The following FNDC1 variants were observed in gnomAD, a reference collection of about 807,000 sequenced individuals.
FNDC1 encodes fibronectin type III domain-containing protein 1.
In FNDC1, 96 loss-of-function variants were observed where a neutral mutation model predicts 168.0. The observed-to-expected ratio is 0.57, with a 90% confidence interval of 0.48 to 0.68. FNDC1 has a LOEUF of 0.68. Ranked by LOEUF, FNDC1 falls within the 30% of genes least tolerant of loss-of-function variation. The pLI is 0.00. For missense variants in FNDC1, 2,587 were observed against 2,482.1 expected (o/e 1.04, Z -0.90); for synonymous variants, 1,099 against 1,025.9 (o/e 1.07, Z -1.36).
chr6:159,206,703 A>G (rs1782493617), intron 4 of FNDC1, among the ~76,000 whole-genome samples: 1 of 152,194 alleles, frequency 6.6e-6, no homozygotes. Flanking sequence ...ACCATTAATC[A>G]GAGATTCTAC....
intron 22 of FNDC1, among the ~76,000 whole-genome samples, chr6:159,269,542 C>A (rs896944094): frequency 6.6e-6 from 1 of 150,774 alleles, no homozygotes; most frequent in South Asian, 2.1e-4. Context: ...ATCCATCCAT[C>A]CATCCATCCA....
chr6:159,200,550 G>C lies in FNDC1; in HGVS notation c.429G>C (p.Lys143Asn), dbSNP rs1782356652. 5 of 1,599,456 alleles carry C rather than the reference G, an allele frequency of 3.1e-6. No homozygotes were observed. Among genetic ancestry groups the C allele is most frequent in the Non-Finnish European group, 4.3e-6 (5 of 1,172,338 alleles). ...EWIEIDGFPI[K>N]GPGPFNETVT... ...TCGAGATTGATGGTTTTCCCATTAA[G>C]GGTCCAGGACCATTTAATGAAACCG... Residue 143 changes from lysine to asparagine, a missense_variant, in exon 4 of 23, where the codon AAG (lysine) becomes AAC (asparagine). Coordinates refer to ENST00000297267, the MANE Select transcript of FNDC1 (RefSeq NM_032532.3).
At chr6:159,243,984 A>G (rs1783487196) in intron 14 of FNDC1, among the ~76,000 whole-genome samples, 1 of 152,218 alleles carries the variant, frequency 6.6e-6, no homozygotes, top group Non-Finnish European at 1.5e-5. Context: ...CAGCACCTCA[A>G]GGAGTTACCC....
At chr6:159,181,567 A>T (rs73591238) in intron 1 of FNDC1, among the ~76,000 whole-genome samples, 1 of 152,236 alleles carries the variant, frequency 6.6e-6, no homozygotes, top group African/African-American at 2.4e-5. Flanking sequence ...ATATAGGATC[A>T]TCTTGGACTT....
At chr6:159,218,634 G>A (rs1441627121) in intron 5 of FNDC1, 1 of 152,282 alleles carries the variant, frequency 6.6e-6, no homozygotes, top group Non-Finnish European at 1.5e-5. Context: ...GGAACCTTGA[G>A]GGGTGGGCCT....
intron 7 of FNDC1, among the ~76,000 whole-genome samples, chr6:159,224,572 C>A (rs1312856153): frequency 6.6e-6 from 1 of 152,012 alleles, no homozygotes; most frequent in African/African-American, 2.4e-5. Flanking sequence ...TTTTGAAAGA[C>A]CTCAGAAGAT....
Position 159,233,031 on chromosome 6 carries a change from G to A in FNDC1, c.2519G>A (p.Gly840Glu). ...RSPSRFSIGR[G>E]PRLQPSSSPQ... Reference sequence around the variant, plus strand: ...CCAAGCAGGTTCAGCATTGGGCGGGGACCTCGGCTGCAGCCCTCCAGCTCC... The same window carrying A: ...CCAAGCAGGTTCAGCATTGGGCGGGAACCTCGGCTGCAGCCCTCCAGCTCC... The change falls in exon 11 of 23, where the codon GGA (glycine) becomes GAA (glutamate). Residue 840 changes from glycine (G) to glutamate (E), a missense_variant. Transcript: ENST00000297267. The surrounding 1 kb of genome is among the most constrained non-coding windows in gnomAD (Gnocchi z 4.6). The A allele has an allele frequency of 6.2e-7, 1 of 1,611,898 alleles. No individual in the cohort carries two copies. Among genetic ancestry groups the A allele is most frequent in the Non-Finnish European group, 8.5e-7 (1 of 1,179,202 alleles).
At chr6:159,185,983 G>A (rs540235208) in intron 1 of FNDC1, among the ~76,000 whole-genome samples, 53 of 152,290 alleles carry the variant, frequency 3.5e-4, no homozygotes, top group South Asian at 1.0e-3. Flanking sequence ...GGACTTGAAT[G>A]GGACTAATAA....
At chr6:159,262,915 C>G (rs1308766203) in intron 19 of FNDC1, among the ~76,000 whole-genome samples, 1 of 152,210 alleles carries the variant, frequency 6.6e-6, no homozygotes, top group African/African-American at 2.4e-5. Flanking sequence ...TTTATTCCAT[C>G]AGTTTATTCA....
At chr6:159,252,730 C>G (rs1049121017) in intron 17 of FNDC1, among the ~76,000 whole-genome samples, 2 of 152,214 alleles carry the variant, frequency 1.3e-5, no homozygotes, top group Non-Finnish European at 2.9e-5. Context: ...ATTGAACACA[C>G]TTCTGTGAAT....
intron 13 of FNDC1, among the ~76,000 whole-genome samples, chr6:159,239,185 T>C (rs1021737585): frequency 1.3e-5 from 2 of 152,218 alleles, no homozygotes; most frequent in African/African-American, 4.8e-5. Context: ...AAAAGCGGAT[T>C]GAGTAGCTGC....
intron 5 of FNDC1, chr6:159,218,450 C>T (rs381568): frequency 0.35 from 54,008 of 152,168 alleles, 10,709 homozygotes; most frequent in African/African-American, 0.55. Context: ...CTTGCCCCGT[C>T]GCGGGGAAAA....
chr6:159,225,629 C>G lies in FNDC1; in HGVS notation c.979C>G (p.Pro327Ala). Residue 327 changes from proline (P) to alanine (A), a missense_variant, in exon 8 of 23, where the codon CCA becomes GCA. Transcript: ENST00000297267. ...GCGTGTGCTGATTGAGAACCTGATT[C>G]CAGACACTGTGTATGAATTTGCAGT... The part of the protein sequence containing the change: ...NRRVLIENLI[P>A]DTVYEFAVRI... 3 of 1,613,858 alleles carry G rather than the reference C, an allele frequency of 1.9e-6. No individual in the cohort carries two copies. Among genetic ancestry groups the G allele is most frequent in the Non-Finnish European group, 8.5e-7 (1 of 1,179,838 alleles).
rs145161952 is a variant in FNDC1, at chr6:159,175,981, C to A, written c.109+6276C>A. Among the ~76,000 whole-genome samples, 765 of 152,340 alleles carry A rather than the reference C, an allele frequency of 5.0e-3. 9 individuals carry two copies. The highest frequency in any genetic ancestry group is 0.017 in the African/African-American group (721 of 41,580). On this transcript the variant is annotated intron_variant, in intron 1 of 22. Transcript: ENST00000297267. ...ATGGTTGACAAGTCCCTACATCTCACAGAGGTGGTGAGGCTGATGCTCACA... is the reference window on the plus strand; with the variant it reads ...ATGGTTGACAAGTCCCTACATCTCAAAGAGGTGGTGAGGCTGATGCTCACA...
chr6:159,266,248 A>C lies in FNDC1; in HGVS notation c.5446+3A>C. On this transcript the variant is annotated splice_donor_region_variant and intron_variant, in intron 21 of 22. Coordinates refer to ENST00000297267, the MANE Select transcript of FNDC1 (RefSeq NM_032532.3). ...CTACCTCAGTGACAACCTGAAAGGTAAGTCTTTGTGCATGGTTGGCTATGG... is the reference window on the plus strand; with the variant it reads ...CTACCTCAGTGACAACCTGAAAGGTCAGTCTTTGTGCATGGTTGGCTATGG... 6.2e-7 allele frequency: 1 copy of C among 1,613,888 alleles called. No individual in the cohort carries two copies. Among genetic ancestry groups the C allele is most frequent in the Non-Finnish European group, 8.5e-7 (1 of 1,179,772 alleles).
Position 159,232,704 on chromosome 6 carries a change from C to G in FNDC1, c.2192C>G (p.Pro731Arg). ...PPHGGSSRLL[P>R]TQPHLSSPLS... ...CATGGGGGATCATCTCGGCTGCTGC[C>G]CACCCAGCCACACCTGAGCTCTCCA... is the stretch of plus-strand genomic sequence containing the variant. The change falls in exon 11 of 23, where the codon CCC (proline) becomes CGC (arginine). Residue 731 changes from proline (P) to arginine (R), a missense_variant. By Grantham distance (103) the Pro-to-Arg change is moderately radical. Coordinates refer to ENST00000297267, the MANE Select transcript of FNDC1 (RefSeq NM_032532.3). The surrounding 1 kb of genome is among the most constrained non-coding windows in gnomAD (Gnocchi z 4.9). 6.2e-7 allele frequency: 1 copy of G among 1,613,948 alleles called. No individual in the cohort carries two copies. Among genetic ancestry groups the G allele is most frequent in the Non-Finnish European group, 8.5e-7 (1 of 1,179,878 alleles).
intron 18 of FNDC1, among the ~76,000 whole-genome samples, chr6:159,260,338 G>A (rs945643710): frequency 6.6e-6 from 1 of 152,194 alleles, no homozygotes; most frequent in Non-Finnish European, 1.5e-5. Context: ...TTTTTCTTTT[G>A]CTTGTAAGAA....
chr6:159,224,290 A>G lies in FNDC1; in HGVS notation c.884+645A>G, dbSNP rs1034959717. ...AATATTTTTATGTTAAAAGTCCACT[A>G]GTGAACATCATTTCTAGTTAGTGGT... On this transcript the variant is annotated intron_variant, in intron 7 of 22. Transcript: ENST00000297267. 3.3e-5 allele frequency among the ~76,000 whole-genome samples: 5 copies of G among 152,362 alleles called. No homozygotes were observed. In the South Asian group the frequency reaches 8.3e-4, roughly 25 times the overall value.
rs1176497265 is a variant in FNDC1 at position 159,245,976 on chromosome 6, G to T, written c.4622-925G>T. On this transcript the variant is annotated intron_variant, in intron 14 of 22. Coordinates refer to ENST00000297267, the MANE Select transcript of FNDC1 (RefSeq NM_032532.3). ...TCACCAGGTTAGCCAGGATGGTCTCGATCTCCTGACCTTGTGATCCGCCCG... is the reference window on the plus strand; with the variant it reads ...TCACCAGGTTAGCCAGGATGGTCTCTATCTCCTGACCTTGTGATCCGCCCG... Among the ~76,000 whole-genome samples, 4 of 74,992 alleles carry T rather than the reference G, an allele frequency of 5.3e-5. 2 individuals are homozygous for T. The highest frequency in any genetic ancestry group is 1.9e-4 in the African/African-American group (4 of 21,056). The allele number at this position is 74,992 out of a possible 152,430, so 49.2% of individuals were successfully genotyped here. A position where few individuals can be genotyped will look rare whatever the true frequency, so the allele number is the denominator to read the frequency against.
Sources: allele counts gnomAD v4.1 joint callset (sites outside exome capture counted in the v4.1 genomes callset), GRCh38; gene constraint gnomAD v4.1.1; non-coding constraint Gnocchi (gnomAD v3.1); transcripts MANE v1.5; gene names NCBI Gene and HGNC (gene_info 2026-07-23, HGNC 2026-07-21).